The following ZFAT variants were observed in gnomAD, a reference collection of about 807,000 sequenced individuals.
ZFAT encodes the protein zinc finger protein ZFAT.
Under a neutral mutation model 117.7 loss-of-function variants are expected in ZFAT, and 64 were observed. The observed-to-expected ratio is 0.54, with a 90% CI of 0.44 to 0.67. ZFAT has a LOEUF of 0.67. Ranked by LOEUF, ZFAT falls within the 30% of genes least tolerant of loss-of-function variation. ZFAT has a pLI of 0.00. For missense variants in ZFAT, 1,433 were observed against 1,584.5 expected (o/e 0.90, Z 1.62); for synonymous variants, 679 against 615.0 (o/e 1.10, Z -1.54).
intron 15 of ZFAT, among the ~76,000 whole-genome samples, chr8:134,501,047 C>G (rs1818936089): frequency 6.6e-6 from 1 of 152,154 alleles, no homozygotes; most frequent in East Asian, 1.9e-4. Flanking sequence ...GTTGTCATTA[C>G]AGTAAGGGCT....
intron 12 of ZFAT, among the ~76,000 whole-genome samples, chr8:134,526,623 C>A (rs948404218): frequency 6.6e-6 from 1 of 152,206 alleles, no homozygotes; most frequent in Non-Finnish European, 1.5e-5. Context: ...CAGTTTCAGG[C>A]ATTAAAATAT....
intron 11 of ZFAT, among the ~76,000 whole-genome samples, chr8:134,561,209 C>T (rs918750464): frequency 6.6e-6 from 1 of 152,202 alleles, no homozygotes; most frequent in South Asian, 2.1e-4. Context: ...GATAATCATC[C>T]TTAAGCAGCC....
intron 15 of ZFAT, among the ~76,000 whole-genome samples, chr8:134,479,448 G>C (rs372971249): frequency 4.7e-4 from 72 of 152,360 alleles, no homozygotes; most frequent in African/African-American, 1.7e-3. Flanking sequence ...AAGACCAAAT[G>C]CCAGCTGGTG....
intron 10 of ZFAT, among the ~76,000 whole-genome samples, chr8:134,569,169 C>G (rs562777234): frequency 1.4e-4 from 22 of 152,232 alleles, no homozygotes; most frequent in African/African-American, 5.3e-4. Flanking sequence ...TCTTACCATG[C>G]ACCAAAAACC....
the ZFAT span, among the ~76,000 whole-genome samples, chr8:134,768,953 G>A: frequency 6.6e-6 from 1 of 152,150 alleles, no homozygotes; most frequent in Non-Finnish European, 1.5e-5. Flanking sequence ...TGGGCAGATT[G>A]CTTGAGGCCA....
intron 1 of ZFAT, among the ~76,000 whole-genome samples, chr8:134,669,831 C>A (rs13259902): frequency 0.34 from 52,395 of 151,946 alleles, 9,387 homozygotes; most frequent in South Asian, 0.43. Flanking sequence ...AGTCAAGACC[C>A]ATCAGTGTGC....
the ZFAT span, among the ~76,000 whole-genome samples, chr8:134,819,910 T>C: frequency 6.6e-6 from 1 of 152,198 alleles, no homozygotes; most frequent in Non-Finnish European, 1.5e-5. Context: ...AGCCAAGGTT[T>C]TGTTTCTTTA....
the ZFAT span, among the ~76,000 whole-genome samples, chr8:134,762,870 G>A: frequency 1.3e-5 from 2 of 152,138 alleles, no homozygotes; most frequent in Non-Finnish European, 2.9e-5. Context: ...GTAAATGGCA[G>A]CATCATTTAG....
Position 134,478,456 on chromosome 8 carries a change from T to G in ZFAT, c.*26A>C. ...CCTGCAGAGCCTGGCAGCCCCGCCC[T>G]GTGGCCATCCGATGCCACATGTCCT... On this transcript the variant is annotated 3_prime_UTR_variant, in exon 16 of 16. Transcript: ENST00000377838. This position sits in a 1 kb window ranked among gnomAD's most constrained non-coding sequence, Gnocchi z 5.2. 6.5e-7 allele frequency: 1 copy of G among 1,547,788 alleles called. No homozygotes were observed.
chr8:134,568,732 A>C (rs1177363050), intron 10 of ZFAT, among the ~76,000 whole-genome samples: 2 of 152,232 alleles, frequency 1.3e-5, no homozygotes, highest in African/African-American at 4.8e-5. Flanking sequence ...CCTGGCAATA[A>C]ATATTACTAA....
At chr8:134,610,266 C>A (rs1473232146) in intron 4 of ZFAT, among the ~76,000 whole-genome samples, 1 of 152,216 alleles carries the variant, frequency 6.6e-6, no homozygotes, top group Non-Finnish European at 1.5e-5. Context: ...GCCCTCACAG[C>A]AGCCCTCACA....
chr8:134,825,083 T>C, the ZFAT span, among the ~76,000 whole-genome samples: 1 of 152,360 alleles, frequency 6.6e-6, no homozygotes, highest in East Asian at 1.9e-4. Flanking sequence ...ATGTGATTAC[T>C]AAAAATGATC....
intron 3 of ZFAT, among the ~76,000 whole-genome samples, chr8:134,635,620 GGA>G (rs1043687720): frequency 2.1e-5 from 3 of 142,846 alleles, no homozygotes; most frequent in Non-Finnish European, 4.5e-5. Context: ...AGAGAGACAG[GGA>G]GAGAGAGAGA....
At chr8:134,559,126 G>A (rs941563284) in intron 11 of ZFAT, among the ~76,000 whole-genome samples, 1 of 152,010 alleles carries the variant, frequency 6.6e-6, no homozygotes, top group Non-Finnish European at 1.5e-5. Context: ...TTAAATTATT[G>A]AATAGGTAAA....
chr8:134,650,532 C>T (rs1364207379), intron 2 of ZFAT, among the ~76,000 whole-genome samples: 1 of 152,158 alleles, frequency 6.6e-6, no homozygotes, highest in African/African-American at 2.4e-5. Context: ...ATCCAACTGT[C>T]TTTTTTGAAG....
At chr8:134,716,012 A>G (rs1363895624), upstream of ZFAT, among the ~76,000 whole-genome samples, 1 of 152,112 alleles carries the variant, frequency 6.6e-6, no homozygotes, top group Non-Finnish European at 1.5e-5. Context: ...CTGTAATCCT[A>G]ACACTATGGG....
chr8:134,546,916 C>G (rs1822743428), intron 11 of ZFAT, among the ~76,000 whole-genome samples: 1 of 152,196 alleles, frequency 6.6e-6, no homozygotes, highest in Non-Finnish European at 1.5e-5. Context: ...AGGAACAGAA[C>G]CAACGGTATT....
chr8:134,790,925 G>A, the ZFAT span, among the ~76,000 whole-genome samples: 1 of 152,122 alleles, frequency 6.6e-6, no homozygotes, highest in Non-Finnish European at 1.5e-5. Context: ...TTACATGGGA[G>A]GATCACTTGA....
intron 10 of ZFAT, among the ~76,000 whole-genome samples, chr8:134,567,496 CATCA>C (rs769848181): frequency 4.2e-4 from 59 of 140,942 alleles, no homozygotes; most frequent in Non-Finnish European, 8.4e-4. Flanking sequence ...TCCATCCATC[CATCA>C]ACCATAATCC....
Sources: allele counts gnomAD v4.1 joint callset (sites outside exome capture counted in the v4.1 genomes callset), GRCh38; gene constraint gnomAD v4.1.1; non-coding constraint Gnocchi (gnomAD v3.1); transcripts MANE v1.5; gene names NCBI Gene and HGNC (gene_info 2026-07-23, HGNC 2026-07-21).